Variants in CLSTN2 observed in about 807,000 individuals in gnomAD.
CLSTN2 encodes the protein calsyntenin-2.
In CLSTN2, 48 loss-of-function variants were observed where a neutral mutation model predicts 101.2. That is an observed-to-expected ratio of 0.47 (90% CI 0.38 to 0.60). The LOEUF is 0.60. Among genes scored for constraint, CLSTN2 ranks in the 20% least tolerant of loss-of-function variants. The probability of loss-of-function intolerance (pLI) is 0.00; values close to 1 mark genes in which losing one functional copy is unlikely to be tolerated. For synonymous variants in CLSTN2, 481 were observed against 463.6 expected (o/e 1.04, Z -0.48); for missense variants, 1,160 against 1,238.2 (o/e 0.94, Z 0.95).
intron 1 of CLSTN2, among the ~76,000 whole-genome samples, chr3:139,958,739 G>A (rs1310533434): frequency 1.3e-5 from 2 of 151,440 alleles, no homozygotes; most frequent in African/African-American, 4.9e-5. Flanking sequence ...CAATAGATAG[G>A]CCGTGAAGCA....
At chr3:140,560,255 C>T (rs1011755088) in intron 12 of CLSTN2, among the ~76,000 whole-genome samples, 2 of 152,176 alleles carry the variant, frequency 1.3e-5, no homozygotes, top group Non-Finnish European at 2.9e-5. Context: ...GCATTTGCCC[C>T]CAGGCCTCAG....
At chr3:139,944,151 T>A (rs779054966) in intron 1 of CLSTN2, among the ~76,000 whole-genome samples, 7 of 152,202 alleles carry the variant, frequency 4.6e-5, no homozygotes, top group Non-Finnish European at 1.0e-4. Context: ...CCAAGTGAGA[T>A]GTGCACTCTT....
rs894020295 is a variant in CLSTN2, at chr3:140,501,547, A to AT, written c.1345-30771dup. On this transcript the variant is annotated intron_variant, in intron 8 of 16. Transcript: ENST00000458420. ...ATGCTTTTCAGAGTCAGTTGTATGAATTTTTTCTAGCAAAATTTATAACCA... is the reference window on the plus strand; with the variant it reads ...ATGCTTTTCAGAGTCAGTTGTATGAATTTTTTTCTAGCAAAATTTATAACCA... Among the ~76,000 whole-genome samples, 54 of 152,126 alleles carry AT rather than the reference A, an allele frequency of 3.5e-4. 1 individual carries two copies. Among genetic ancestry groups the AT allele is most frequent in the African/African-American group, 1.1e-3 (46 of 41,412 alleles).
chr3:140,383,901 A>G (rs925244121), intron 2 of CLSTN2, among the ~76,000 whole-genome samples: 1 of 152,268 alleles, frequency 6.6e-6, no homozygotes, highest in African/African-American at 2.4e-5. Flanking sequence ...CAAATTAGGG[A>G]TAGAGCAAAG....
chr3:140,111,965 G>T (rs2009164294), intron 1 of CLSTN2, among the ~76,000 whole-genome samples: 3 of 152,076 alleles, frequency 2.0e-5, no homozygotes, highest in Admixed American at 2.0e-4. Context: ...GCAAAAATGG[G>T]CTTCAAATCC....
intron 2 of CLSTN2, among the ~76,000 whole-genome samples, chr3:140,303,556 C>A (rs1343865112): frequency 6.6e-6 from 1 of 152,096 alleles, no homozygotes; most frequent in Non-Finnish European, 1.5e-5. Flanking sequence ...ACACAGAGGT[C>A]TCTACAGTTT....
Position 140,574,126 on chromosome 3 carries a change from C to T in CLSTN2, c.*7873C>T, listed in dbSNP as rs1234680705. On this transcript the variant is annotated 3_prime_UTR_variant, in exon 17 of 17. Coordinates refer to ENST00000458420, the MANE Select transcript of CLSTN2 (RefSeq NM_022131.3). ...CCACAAATGTTGAATTGAATTGAATCCCAGAGATCACTTGACCTCAGTGAA... is the reference window on the plus strand; with the variant it reads ...CCACAAATGTTGAATTGAATTGAATTCCAGAGATCACTTGACCTCAGTGAA... 1.3e-5 allele frequency: 2 copies of T among 152,136 alleles called. No homozygotes were observed. Among genetic ancestry groups the T allele is most frequent in the Non-Finnish European group, 2.9e-5 (2 of 68,034 alleles). 9.4% of individuals were successfully genotyped at this position (152,136 alleles called of 1,614,324 possible). A position where few individuals can be genotyped will look rare whatever the true frequency, so the allele number is the denominator to read the frequency against.
chr3:140,119,216 G>A (rs1407852095), intron 1 of CLSTN2, among the ~76,000 whole-genome samples: 2 of 152,186 alleles, frequency 1.3e-5, no homozygotes, highest in Non-Finnish European at 2.9e-5. Context: ...AAGCAGAAAA[G>A]GTAAACTATA....
intron 1 of CLSTN2, among the ~76,000 whole-genome samples, chr3:140,073,000 T>A (rs996076441): frequency 6.6e-6 from 1 of 152,226 alleles, no homozygotes; most frequent in African/African-American, 2.4e-5. Context: ...CTGAAACCTT[T>A]ATCTCCACAG....
intron 1 of CLSTN2, among the ~76,000 whole-genome samples, chr3:140,076,656 T>C (rs7624316): frequency 0.1 from 12,851 of 125,218 alleles, 1,509 homozygotes; most frequent in African/African-American, 0.27. Context: ...TTTTTTTTCC[T>C]AGCCTTCGAG....
chr3:140,566,124 G>C lies in CLSTN2; in HGVS notation c.2739G>C (p.Met913Ile), dbSNP rs1475318842. 2 of 1,612,002 alleles carry C rather than the reference G, an allele frequency of 1.2e-6. No homozygotes were observed. The change falls in exon 17 of 17, where the codon ATG becomes ATC. Residue 913 changes from methionine (M) to isoleucine (I), a missense_variant. Transcript: ENST00000458420. ...GEEEEEAEEE[M>I]SSSSGSDDSE... is the part of the protein sequence containing the mutation. ...AGGAGGAAGAAGCCGAGGAAGAAAT[G>C]AGCTCCAGCAGTGGCTCTGACGACA...
intron 2 of CLSTN2, among the ~76,000 whole-genome samples, chr3:140,267,168 C>T (rs2086700133): frequency 6.6e-6 from 1 of 152,194 alleles, no homozygotes; most frequent in Non-Finnish European, 1.5e-5. Context: ...AAGTGTGTAT[C>T]TTCCTGTTTG....
At position 140,249,748 on chromosome 3, in the gene CLSTN2, C is replaced by T. The variant is rs537719284; in HGVS notation, c.232+73675C>T. Among the ~76,000 whole-genome samples, 14 of 152,244 alleles carry T rather than the reference C, an allele frequency of 9.2e-5. No homozygotes were observed. The South Asian group carries it at 1.7e-3, about 18-fold the overall frequency. Reference sequence around the variant, plus strand: ...CTATTATGTGATGAACTTTAGCTATCGGCATTTCACCTACCATTCTTGGAA... The same window carrying T: ...CTATTATGTGATGAACTTTAGCTATTGGCATTTCACCTACCATTCTTGGAA... On this transcript the variant is annotated intron_variant, in intron 2 of 16. Coordinates refer to ENST00000458420, the MANE Select transcript of CLSTN2 (RefSeq NM_022131.3).
intron 2 of CLSTN2, among the ~76,000 whole-genome samples, chr3:140,268,901 G>A (rs535898059): frequency 3.9e-5 from 6 of 152,294 alleles, no homozygotes; most frequent in Middle Eastern, 3.4e-3. Flanking sequence ...GCTGTGATCG[G>A]CAATCAAATG....
intron 2 of CLSTN2, among the ~76,000 whole-genome samples, chr3:140,222,282 CAT>C (rs2086281410): frequency 6.6e-6 from 1 of 151,770 alleles, no homozygotes; most frequent in Non-Finnish European, 1.5e-5. Context: ...AACTCATGGA[CAT>C]AGAGAGTAGA....
intron 10 of CLSTN2, among the ~76,000 whole-genome samples, chr3:140,547,999 T>C (rs894110584): frequency 1.3e-5 from 2 of 152,184 alleles, no homozygotes; most frequent in African/African-American, 4.8e-5. Context: ...GACCCAGTAC[T>C]GCCCATGGGC....
chr3:139,953,945 G>GTGTGTGTGTGTGTT (rs1935341555), intron 1 of CLSTN2, among the ~76,000 whole-genome samples: 1 of 152,072 alleles, frequency 6.6e-6, no homozygotes. Context: ...GTGTGTGTGT[G>GTGTGTGTGTGTGTT]TGTGTGTGTT....
At chr3:140,153,263 G>A (rs1053771462) in intron 1 of CLSTN2, among the ~76,000 whole-genome samples, 15 of 152,340 alleles carry the variant, frequency 9.8e-5, no homozygotes, top group African/African-American at 3.6e-4. Flanking sequence ...ACACCCGTTG[G>A]CACTGGTAAT....
At chr3:140,112,182 G>T (rs755014536) in intron 1 of CLSTN2, among the ~76,000 whole-genome samples, 4 of 152,192 alleles carry the variant, frequency 2.6e-5, no homozygotes, top group African/African-American at 9.6e-5. Context: ...GGGCCATCTT[G>T]ATGAAATTTT....
Sources: allele counts gnomAD v4.1 joint callset (sites outside exome capture counted in the v4.1 genomes callset), GRCh38; gene constraint gnomAD v4.1.1; transcripts MANE v1.5; gene names NCBI Gene and HGNC (gene_info 2026-07-23, HGNC 2026-07-21).